ROBO1: variants seen among roughly 807,000 people sequenced by gnomAD.
The protein encoded by ROBO1 is roundabout guidance receptor 1.
ROBO1 carries 149 observed loss-of-function variants against 195.9 expected under a neutral mutation model. That is an observed-to-expected ratio of 0.76 (90% CI 0.67 to 0.87). The LOEUF is 0.87. Among genes scored for constraint, ROBO1 ranks in the 40% least tolerant of loss-of-function variants. The probability of loss-of-function intolerance (pLI) is 0.00; values close to 1 mark genes in which losing one functional copy is unlikely to be tolerated. For missense variants in ROBO1, 1,933 were observed against 2,068.3 expected, an observed-to-expected ratio of 0.93 and a Z score of 1.27; for synonymous variants, 816 against 733.2, an observed-to-expected ratio of 1.11 and a Z score of -1.82.
chr3:78,639,220 G>GTGAATGGAT lies in ROBO1; in HGVS notation c.3037+523_3037+524insATCCATTCA, dbSNP rs1369674580. On this transcript the variant is annotated intron_variant, in intron 22 of 30. Transcript: ENST00000464233. ...GCCTGTACTCCCAGCACTTTGGGAA[G>GTGAATGGAT]CCGAGGTGAATGGATCACGTGAGGC... Among the ~76,000 whole-genome samples, 852 of 152,192 alleles carry GTGAATGGAT rather than the reference G, an allele frequency of 5.6e-3. 7 individuals are homozygous for GTGAATGGAT. Among genetic ancestry groups the GTGAATGGAT allele is most frequent in the African/African-American group, 0.02 (811 of 41,530 alleles).
chr3:79,689,324 CTTAT>C (rs1947231913), intron 1 of ROBO1, among the ~76,000 whole-genome samples: 2 of 152,088 alleles, frequency 1.3e-5, no homozygotes, highest in Middle Eastern at 3.4e-3. Context: ...GACGCGATGA[CTTAT>C]TGAGAAATCT....
In ROBO1 at chr3:78,755,170, A is replaced by G. The variant is rs1433471273; in HGVS notation, c.500-8270T>C. Among the ~76,000 whole-genome samples, 6 of 152,274 alleles carry G rather than the reference A, an allele frequency of 3.9e-5. No homozygotes were observed. The East Asian group carries it at 1.2e-3, about 29-fold the overall frequency. ...GCTCTGTGAATGAAATGGAGAGGGA[A>G]GTAATAATGGACGTGGAGGCCAGGT... On this transcript the variant is annotated intron_variant, in intron 4 of 30. Coordinates refer to ENST00000464233, the MANE Select transcript of ROBO1 (RefSeq NM_002941.4).
intron 14 of ROBO1, 130 bp from the exon 15 acceptor site, chr3:78,662,244 G>C (rs1342526684): frequency 2.4e-6 from 1 of 410,060 alleles, no homozygotes; most frequent in Non-Finnish European, 4.0e-6. Context: ...CTGTGATTCG[G>C]AAAAAAAAAA....
chr3:78,849,547 T>C (rs550092032), intron 4 of ROBO1, among the ~76,000 whole-genome samples: 311 of 152,226 alleles, frequency 2.0e-3, no homozygotes, highest in Non-Finnish European at 3.5e-3. Context: ...ATTATAACAA[T>C]AACAACTAAG....
At chr3:78,878,583 CAA>C (rs35108863) in intron 4 of ROBO1, among the ~76,000 whole-genome samples, 89 of 46,356 alleles carry the variant, frequency 1.9e-3, no homozygotes, top group African/African-American at 5.8e-3. Flanking sequence ...AACCCCATCT[CAA>C]AAAAAAAAAA....
chr3:79,409,647 C>G (rs1204172132), intron 2 of ROBO1, among the ~76,000 whole-genome samples: 1 of 152,024 alleles, frequency 6.6e-6, no homozygotes, highest in African/African-American at 2.4e-5. Flanking sequence ...AGGTCTGCAC[C>G]CATGACTCAA....
intron 2 of ROBO1, among the ~76,000 whole-genome samples, chr3:79,488,745 C>G (rs1420582688): frequency 6.6e-6 from 1 of 152,152 alleles, no homozygotes; most frequent in African/African-American, 2.4e-5. Context: ...TGGACATACA[C>G]TGCAAGTTAG....
At chr3:78,765,905 T>C (rs2083218902) in intron 4 of ROBO1, among the ~76,000 whole-genome samples, 1 of 152,208 alleles carries the variant, frequency 6.6e-6, no homozygotes, top group Non-Finnish European at 1.5e-5. Flanking sequence ...AACTTAATCA[T>C]CTGCTGAACT....
intron 10 of ROBO1, among the ~76,000 whole-genome samples, chr3:78,680,806 C>T (rs2080883126): frequency 6.8e-6 from 1 of 148,074 alleles, no homozygotes; most frequent in South Asian, 2.2e-4. Flanking sequence ...CTAGAAATAC[C>T]ATTTGACCCA....
chr3:79,263,043 T>A (rs2082969267), intron 2 of ROBO1, among the ~76,000 whole-genome samples: 1 of 152,078 alleles, frequency 6.6e-6, no homozygotes, highest in South Asian at 2.1e-4. Flanking sequence ...GCCCTCAACT[T>A]TGTCAAGCAA....
intron 2 of ROBO1, among the ~76,000 whole-genome samples, chr3:79,585,841 C>T (rs761592923): frequency 6.6e-6 from 1 of 151,938 alleles, no homozygotes; most frequent in African/African-American, 2.4e-5. Flanking sequence ...TAATTGACTA[C>T]TTTCTAAATA....
intron 2 of ROBO1, among the ~76,000 whole-genome samples, chr3:79,524,020 C>A (rs1008438640): frequency 2.0e-5 from 3 of 152,038 alleles, no homozygotes; most frequent in African/African-American, 7.2e-5. Context: ...TCATGAACGG[C>A]ATCAACTACT....
At chr3:79,536,604 G>A (rs1239597143) in intron 2 of ROBO1, among the ~76,000 whole-genome samples, 1 of 152,034 alleles carries the variant, frequency 6.6e-6, no homozygotes, top group Non-Finnish European at 1.5e-5. Flanking sequence ...AATAATAATA[G>A]CCTGCTAACT....
chr3:78,960,061 A>T (rs1478972424), intron 3 of ROBO1, among the ~76,000 whole-genome samples: 1 of 152,116 alleles, frequency 6.6e-6, no homozygotes, highest in Non-Finnish European at 1.5e-5. Context: ...GCTACTCAGG[A>T]GGCTGAGGTG....
chr3:78,705,277 G>C (rs1383485018), intron 8 of ROBO1, among the ~76,000 whole-genome samples: 2 of 152,162 alleles, frequency 1.3e-5, no homozygotes, highest in African/African-American at 4.8e-5. Flanking sequence ...TTTAGTTTTG[G>C]AAGAAGCTGA....
chr3:79,127,918 C>A (rs1428747151), intron 2 of ROBO1, among the ~76,000 whole-genome samples: 1 of 152,072 alleles, frequency 6.6e-6, no homozygotes, highest in Non-Finnish European at 1.5e-5. Flanking sequence ...ATTCAATCTA[C>A]CTTGTTCTGC....
chr3:78,760,647 T>C (rs533090339), intron 4 of ROBO1, among the ~76,000 whole-genome samples: 111 of 152,306 alleles, frequency 7.3e-4, no homozygotes, highest in Non-Finnish European at 1.0e-3. Flanking sequence ...TATGCTTTTG[T>C]TGTTGCTGTT....
At chr3:79,082,777 T>C (rs1230120434) in intron 3 of ROBO1, among the ~76,000 whole-genome samples, 1 of 152,112 alleles carries the variant, frequency 6.6e-6, no homozygotes, top group African/African-American at 2.4e-5. Context: ...TACTCACTTG[T>C]ATGGTATGGA....
chr3:79,566,711 A>G (rs1027995053), intron 2 of ROBO1, among the ~76,000 whole-genome samples: 1 of 152,084 alleles, frequency 6.6e-6, no homozygotes, highest in Non-Finnish European at 1.5e-5. Context: ...AGAGAAATGC[A>G]AAATCAAAAC....
Sources: allele counts gnomAD v4.1 joint callset (sites outside exome capture counted in the v4.1 genomes callset), GRCh38; gene constraint gnomAD v4.1.1; transcripts MANE v1.5; gene names NCBI Gene and HGNC (gene_info 2026-07-23, HGNC 2026-07-21).